PIK3CG: variants seen among roughly 807,000 people sequenced by gnomAD.
PIK3CG encodes phosphatidylinositol 4,5-bisphosphate 3-kinase catalytic subunit gamma isoform.
In PIK3CG, 55 loss-of-function variants were observed where a neutral mutation model predicts 102.3. The ratio of observed to expected loss-of-function variants is 0.54; its 90% confidence interval spans 0.43 to 0.67. The LOEUF is 0.67. Ranked by LOEUF, PIK3CG falls within the 30% of genes least tolerant of loss-of-function variation. The pLI is 0.00. For missense variants in PIK3CG, 1,258 were observed against 1,391.8 expected (o/e 0.90, Z 1.53); for synonymous variants, 552 against 540.0 (o/e 1.02, Z -0.31).
rs779358457 is a variant in PIK3CG at position 106,867,579 on chromosome 7, T to C, written c.18T>C (p.Tyr6=). The C allele has an allele frequency of 9.5e-6, 15 of 1,585,080 alleles. No homozygotes were observed. Among genetic ancestry groups the C allele is most frequent in the Admixed American group, 3.7e-5 (2 of 54,128 alleles). MELEN[Y]KQPVVLREDN... ...CATAGGGCATGGAGCTGGAGAACTA[T>C]AAACAGCCCGTGGTGCTGAGAGAGG... is the stretch of plus-strand genomic sequence containing the variant. The change falls in exon 2 of 11, where the codon TAT becomes TAC. Residue 6 remains tyrosine, a synonymous_variant. Coordinates refer to ENST00000496166, the MANE Select transcript of PIK3CG (RefSeq NM_001282426.2). This position sits in a 1 kb window ranked among gnomAD's most constrained non-coding sequence, Gnocchi z 5.1.
chr7:106,870,139 C>T (rs912700005), intron 2 of PIK3CG, among the ~76,000 whole-genome samples: 1 of 152,192 alleles, frequency 6.6e-6, no homozygotes. Context: ...TGTCAGGATT[C>T]TGGGGCTAGA....
rs922110433 is a variant in PIK3CG, at chr7:106,890,183, G to T, written c.3030+3891G>T. The stretch of plus-strand genomic sequence containing the variant: ...TCAGAATGTGTTTTTTATTGTTCTC[G>T]TTGTTTTGTTTTGTTTGAGACGGAG... On this transcript the variant is annotated intron_variant, in intron 10 of 10. Transcript: ENST00000496166. The surrounding 1 kb of genome is among the most constrained non-coding windows in gnomAD (Gnocchi z 4.2). 6.6e-6 allele frequency among the ~76,000 whole-genome samples: 1 copy of T among 152,076 alleles called. No individual in the cohort carries two copies. The highest frequency in any genetic ancestry group is 2.4e-5 in the African/African-American group (1 of 41,398).
In PIK3CG at chr7:106,879,469, T is replaced by A. The variant is rs767280334; in HGVS notation, c.2392-50T>A. The stretch of plus-strand genomic sequence containing the variant: ...CAAGAGAATTTGTGTCTCCACCATG[T>A]ATATTCGTTATTCATTGTGTGTGGG... On this transcript the variant is annotated intron_variant, in intron 5 of 10. Coordinates refer to ENST00000496166, the MANE Select transcript of PIK3CG (RefSeq NM_001282426.2). This position sits in a 1 kb window ranked among gnomAD's most constrained non-coding sequence, Gnocchi z 4.9. 6 of 1,430,074 alleles carry A rather than the reference T, an allele frequency of 4.2e-6. No homozygotes were observed. The highest frequency in any genetic ancestry group is 4.9e-6 in the Non-Finnish European group (5 of 1,013,186). 88.6% of individuals were successfully genotyped at this position (1,430,074 alleles called of 1,614,324 possible).
chr7:106,883,154 T>C lies in PIK3CG; in HGVS notation c.2751T>C (p.Thr917=), dbSNP rs1373123261. 1 of 1,613,978 alleles carries C rather than the reference T, an allele frequency of 6.2e-7. No homozygotes were observed. The highest frequency in any genetic ancestry group is 8.5e-7 in the Non-Finnish European group (1 of 1,179,978). The part of the protein sequence containing the change: ...LNHWLKEKSP[T]EEKFQAAVER... ...ACTGGCTCAAAGAAAAATCCCCTAC[T>C]GAAGAAAAGGTGAGCTCATGCTTTT... The change falls in exon 8 of 11, where the codon ACT becomes ACC. Residue 917 remains threonine (T), a synonymous_variant. Coordinates refer to ENST00000496166, the MANE Select transcript of PIK3CG (RefSeq NM_001282426.2). The surrounding 1 kb of genome is among the most constrained non-coding windows in gnomAD (Gnocchi z 5.8).
At position 106,890,271 on chromosome 7, in the gene PIK3CG, T is replaced by A. The variant is rs1420331580; in HGVS notation, c.3030+3979T>A. Among the ~76,000 whole-genome samples the A allele has an allele frequency of 6.6e-6, 1 of 151,346 alleles. No homozygotes were observed. Among genetic ancestry groups the A allele is most frequent in the Non-Finnish European group, 1.5e-5 (1 of 67,770 alleles). The stretch of plus-strand genomic sequence containing the variant: ...ATCTCGGCTCACTGCAACCTCTGCC[T>A]CCTGGGTTCACACCACTCTCCTGCC... On this transcript the variant is annotated intron_variant, in intron 10 of 10. Coordinates refer to ENST00000496166, the MANE Select transcript of PIK3CG (RefSeq NM_001282426.2). This position sits in a 1 kb window ranked among gnomAD's most constrained non-coding sequence, Gnocchi z 4.2.
chr7:106,900,567 G>A (rs1791520979), intron 10 of PIK3CG, among the ~76,000 whole-genome samples: 1 of 152,168 alleles, frequency 6.6e-6, no homozygotes, highest in Admixed American at 6.5e-5. Flanking sequence ...TTCAAGGTCA[G>A]TATTGATATG....
chr7:106,895,898 T>C lies in PIK3CG; in HGVS notation c.3031-9211T>C, dbSNP rs1791396732. ...CAAAATTAGAATTCATTCAGCTTGA[T>C]GTGAATCTGTGTTGTTAACCACCAC... On this transcript the variant is annotated intron_variant, in intron 10 of 10. Coordinates refer to ENST00000496166, the MANE Select transcript of PIK3CG (RefSeq NM_001282426.2). This position sits in a 1 kb window ranked among gnomAD's most constrained non-coding sequence, Gnocchi z 5.4. 6.6e-6 allele frequency among the ~76,000 whole-genome samples: 1 copy of C among 152,214 alleles called. No individual in the cohort carries two copies. The highest frequency in any genetic ancestry group is 2.4e-5 in the African/African-American group (1 of 41,460).
chr7:106,893,148 G>A lies in PIK3CG; in HGVS notation c.3030+6856G>A, dbSNP rs905724546. ...CAAGCAGGAGATGACCAGTTCATCT[G>A]TCACCCATAATGTACTGAGCTGATA... On this transcript the variant is annotated intron_variant, in intron 10 of 10. Transcript: ENST00000496166. The surrounding 1 kb of genome is among the most constrained non-coding windows in gnomAD (Gnocchi z 4.4). Among the ~76,000 whole-genome samples the A allele has an allele frequency of 6.6e-6, 1 of 152,116 alleles. No homozygotes were observed. The highest frequency in any genetic ancestry group is 1.5e-5 in the Non-Finnish European group (1 of 68,026).
chr7:106,905,298 G>T lies in PIK3CG; in HGVS notation c.3220G>T (p.Val1074Phe). The change falls in exon 11 of 11, where the codon GTT becomes TTT. Residue 1074 changes from valine to phenylalanine, a missense_variant. Around this residue, in one of 2 missense-constraint regions of PIK3CG, gnomAD observed 426 missense variants for 604.2 expected, o/e 0.71. Coordinates refer to ENST00000496166, the MANE Select transcript of PIK3CG (RefSeq NM_001282426.2). This position sits in a 1 kb window ranked among gnomAD's most constrained non-coding sequence, Gnocchi z 5.6. ...AAAGTATTTTCTTGATCAGATCGAA[G>T]TTTGCAGAGACAAAGGATGGACTGT... is the stretch of plus-strand genomic sequence containing the variant. ...AKKYFLDQIE[V>F]CRDKGWTVQF... 1 of 1,614,126 alleles carries T rather than the reference G, an allele frequency of 6.2e-7. No individual in the cohort carries two copies. The highest frequency in any genetic ancestry group is 1.7e-5 in the Admixed American group (1 of 60,010).
Position 106,868,532 on chromosome 7 carries a change from C to G in PIK3CG, c.971C>G (p.Pro324Arg), listed in dbSNP as rs760224981. ...ALDEVRKEEWPLVDDCTGVTG... is the reference protein window; with the variant it reads ...ALDEVRKEEWRLVDDCTGVTG... ...GACGAGGTGAGGAAGGAAGAGTGGC[C>G]ACTGGTGGATGACTGCACGGGAGTC... The change falls in exon 2 of 11, where the codon CCA becomes CGA. Residue 324 changes from proline to arginine, a missense_variant. Coordinates refer to ENST00000496166, the MANE Select transcript of PIK3CG (RefSeq NM_001282426.2). This position sits in a 1 kb window ranked among gnomAD's most constrained non-coding sequence, Gnocchi z 6.2. The G allele has an allele frequency of 1.2e-6, 2 of 1,614,086 alleles. No individual in the cohort carries two copies. The highest frequency in any genetic ancestry group is 1.1e-5 in the South Asian group (1 of 91,084).
At position 106,879,640 on chromosome 7, in the gene PIK3CG, T is replaced by C. The variant is rs2116524620; in HGVS notation, c.2513T>C (p.Leu838Pro). ...IGIIFKHGDDLRQDMLILQIL... is the reference protein window; with the variant it reads ...IGIIFKHGDDPRQDMLILQIL... ...ATTATCTTTAAACATGGTGATGATC[T>C]GCGCCAAGACATGCTTATTTTACAG... The change falls in exon 6 of 11, where the codon CTG becomes CCG. Residue 838 changes from leucine to proline, a missense_variant. Transcript: ENST00000496166. This position sits in a 1 kb window ranked among gnomAD's most constrained non-coding sequence, Gnocchi z 4.9. 6.2e-7 allele frequency: 1 copy of C among 1,613,010 alleles called. No individual in the cohort carries two copies. Among genetic ancestry groups the C allele is most frequent in the Non-Finnish European group, 8.5e-7 (1 of 1,179,054 alleles).
At chr7:106,881,392 T>C (rs1429119895) in intron 6 of PIK3CG, among the ~76,000 whole-genome samples, 3 of 152,202 alleles carry the variant, frequency 2.0e-5, no homozygotes. Flanking sequence ...CAGCAATCAG[T>C]ATATATTCGC....
rs1791685751 is a variant in PIK3CG at position 106,906,438 on chromosome 7, AG to A, written c.*1052del. 1 of 229,670 alleles carries A rather than the reference AG, an allele frequency of 4.4e-6. No individual in the cohort carries two copies. Among genetic ancestry groups the A allele is most frequent in the South Asian group, 1.8e-4 (1 of 5,498 alleles). 14.2% of individuals were successfully genotyped at this position (229,670 alleles called of 1,614,324 possible). A position where few individuals can be genotyped will look rare whatever the true frequency, so the allele number is the denominator to read the frequency against. On this transcript the variant is annotated 3_prime_UTR_variant, in exon 11 of 11. Transcript: ENST00000496166. ...CTTAATTTTAAACTTTGGCCTGAAC[AG>A]TTTTTTCTTTTTCTTAATGGAAGAA...
Position 106,867,466 on chromosome 7 carries a change from T to C in PIK3CG, c.-12-84T>C. ...TCCCTGTGCACATGTACGCCGCCTA[T>C]ACCTCCTCTTCCCTCATCTCACCAG... On this transcript the variant is annotated intron_variant, in intron 1 of 10. Coordinates refer to ENST00000496166, the MANE Select transcript of PIK3CG (RefSeq NM_001282426.2). This position sits in a 1 kb window ranked among gnomAD's most constrained non-coding sequence, Gnocchi z 5.1. 1 of 1,268,366 alleles carries C rather than the reference T, an allele frequency of 7.9e-7. No homozygotes were observed. 78.6% of individuals were successfully genotyped at this position (1,268,366 alleles called of 1,614,324 possible).
chr7:106,905,394 AGGCTAGAATCAAAAACAAGTTAGT>A lies in PIK3CG; in HGVS notation c.*9_*32del. The A allele has an allele frequency of 6.2e-7, 1 of 1,605,810 alleles. No individual in the cohort carries two copies. The highest frequency in any genetic ancestry group is 1.7e-5 in the Admixed American group (1 of 59,126). On this transcript the variant is annotated 3_prime_UTR_variant, in exon 11 of 11. Coordinates refer to ENST00000496166, the MANE Select transcript of PIK3CG (RefSeq NM_001282426.2). The surrounding 1 kb of genome is among the most constrained non-coding windows in gnomAD (Gnocchi z 5.6). ...AGAGAAACATTCAGCCTAATACTTTAGGCTAGAATCAAAAACAAGTTAGTGTTCTATGGTTTAAATTAGCATAGC... is the reference window on the plus strand; with the variant it reads ...AGAGAAACATTCAGCCTAATACTTTAGTTCTATGGTTTAAATTAGCATAGC...
intron 10 of PIK3CG, among the ~76,000 whole-genome samples, chr7:106,896,499 C>T (rs1791412210): frequency 2.0e-5 from 3 of 152,234 alleles, no homozygotes; most frequent in Non-Finnish European, 2.9e-5. Context: ...GTGAAGTCTG[C>T]ACTTAGCCTG....
In PIK3CG at chr7:106,873,454, T is replaced by A. The variant is rs568159822; in HGVS notation, c.2287+516T>A. On this transcript the variant is annotated intron_variant, in intron 4 of 10. Coordinates refer to ENST00000496166, the MANE Select transcript of PIK3CG (RefSeq NM_001282426.2). ...GGATAGAAAACATTTGGGAAAAAAA[T>A]TGCATCTGCATTGAACATGTACAGA... 3.5e-4 allele frequency among the ~76,000 whole-genome samples: 54 copies of A among 152,242 alleles called. 1 individual carries two copies. In the South Asian group the frequency reaches 9.3e-3, roughly 26 times the overall value.
Position 106,874,586 on chromosome 7 carries a change from C to T in PIK3CG, c.2288-114C>T, listed in dbSNP as rs1338496904. On this transcript the variant is annotated intron_variant, in intron 4 of 10. Coordinates refer to ENST00000496166, the MANE Select transcript of PIK3CG (RefSeq NM_001282426.2). The surrounding 1 kb of genome is among the most constrained non-coding windows in gnomAD (Gnocchi z 4.3). ...GCCCACCCACATTTCTCCTGCTCTA[C>T]ACCAGAACAAATATATAGAATGCTA... 3 of 759,802 alleles carry T rather than the reference C, an allele frequency of 3.9e-6. No individual in the cohort carries two copies. Among genetic ancestry groups the T allele is most frequent in the Non-Finnish European group, 6.5e-6 (3 of 464,612 alleles). 47.1% of individuals were successfully genotyped at this position (759,802 alleles called of 1,614,324 possible).
In PIK3CG at chr7:106,872,841, C is replaced by A. The variant is rs756127057; in HGVS notation, c.2190C>A (p.His730Gln). ...GGGGCTGTGGCACAGCCATGCTGCA[C>A]GACTTTACCCAACAAGTCCAAGTAA... is the stretch of plus-strand genomic sequence containing the variant. ...YLRGCGTAML[H>Q]DFTQQVQVIE... The change falls in exon 4 of 11, where the codon CAC becomes CAA. Residue 730 changes from histidine (H) to glutamine (Q), a missense_variant. His to Gln is a conservative substitution (Grantham distance 24). Coordinates refer to ENST00000496166, the MANE Select transcript of PIK3CG (RefSeq NM_001282426.2). The surrounding 1 kb of genome is among the most constrained non-coding windows in gnomAD (Gnocchi z 5.3). 1 of 1,614,132 alleles carries A rather than the reference C, an allele frequency of 6.2e-7. No individual in the cohort carries two copies. The highest frequency in any genetic ancestry group is 8.5e-7 in the Non-Finnish European group (1 of 1,179,962).
Sources: gnomAD v4.1 joint callset for allele counts (sites outside exome capture counted in the v4.1 genomes callset) on GRCh38, gnomAD v4.1.1 for gene constraint, gnomAD v4.1.1 regional missense constraint, Gnocchi (gnomAD v3.1) non-coding constraint, MANE v1.5 for transcripts, NCBI Gene and HGNC (gene_info 2026-07-23, HGNC 2026-07-21) for gene names.